DLC1: variants seen among roughly 807,000 people sequenced by gnomAD.
The protein encoded by DLC1 is rho GTPase-activating protein 7.
In DLC1, 54 loss-of-function variants were observed where a neutral mutation model predicts 140.3. That is an observed-to-expected ratio of 0.38 (90% CI 0.31 to 0.48). The LOEUF (loss-of-function observed/expected upper bound fraction) is 0.48, where lower values mean the gene tolerates loss of function less well. DLC1 is among the 20% of genes least tolerant of loss of function. DLC1 has a pLI of 0.96. For synonymous variants in DLC1, 986 were observed against 728.1 expected, an observed-to-expected ratio of 1.35 and a Z score of -5.70; for missense variants, 2,536 against 1,907.0, an observed-to-expected ratio of 1.33 and a Z score of -6.14.
chr8:13,338,313 A>T (rs1218846773), intron 4 of DLC1, among the ~76,000 whole-genome samples: 1 of 152,198 alleles, frequency 6.6e-6, no homozygotes, highest in Non-Finnish European at 1.5e-5. Context: ...GTTCGAAAAA[A>T]ATACTATTTT....
At chr8:13,506,742 G>A (rs953260060) in intron 1 of DLC1, among the ~76,000 whole-genome samples, 1 of 151,876 alleles carries the variant, frequency 6.6e-6, no homozygotes, top group Non-Finnish European at 1.5e-5. Flanking sequence ...TGGGAAGGAA[G>A]AGAAGATGTA....
At chr8:13,287,360 CTATTT>C (rs1831568516) in intron 5 of DLC1, among the ~76,000 whole-genome samples, 1 of 152,132 alleles carries the variant, frequency 6.6e-6, no homozygotes, top group Non-Finnish European at 1.5e-5. Flanking sequence ...TCTTTGGCTT[CTATTT>C]TGTTTTCTTT....
At chr8:13,300,953 G>C (rs1832168825) in intron 5 of DLC1, among the ~76,000 whole-genome samples, 1 of 152,176 alleles carries the variant, frequency 6.6e-6, no homozygotes, top group South Asian at 2.1e-4. Flanking sequence ...CTGCATGGAA[G>C]CAGTGGCCAG....
chr8:13,484,524 C>G (rs76206250), intron 2 of DLC1, among the ~76,000 whole-genome samples: 11,419 of 152,122 alleles, frequency 0.075, 585 homozygotes, highest in Non-Finnish European at 0.12. Context: ...ACTTGCTTTG[C>G]TTCAAAGTAA....
At chr8:13,320,331 C>T (rs1833044102) in intron 4 of DLC1, among the ~76,000 whole-genome samples, 1 of 152,140 alleles carries the variant, frequency 6.6e-6, no homozygotes, top group African/African-American at 2.4e-5. Flanking sequence ...TGCCTGTTAA[C>T]TCTTCGTTAA....
At chr8:13,385,988 G>T (rs1836504389) in intron 4 of DLC1, among the ~76,000 whole-genome samples, 1 of 152,210 alleles carries the variant, frequency 6.6e-6, no homozygotes, top group East Asian at 1.9e-4. Context: ...ACTCCTCAGT[G>T]CTATGAATTA....
chr8:13,582,292 T>C (rs1805131961), intron 1 of DLC1, among the ~76,000 whole-genome samples: 1 of 152,188 alleles, frequency 6.6e-6, no homozygotes, highest in African/African-American at 2.4e-5. Context: ...TATACTAATA[T>C]GGTATAGGTA....
At chr8:13,210,249 C>G (rs1220410258) in intron 5 of DLC1, among the ~76,000 whole-genome samples, 1 of 152,074 alleles carries the variant, frequency 6.6e-6, no homozygotes. Context: ...TTCTTTTGTG[C>G]TTAGCAAATG....
chr8:13,468,277 T>G (rs1800034005), intron 2 of DLC1, among the ~76,000 whole-genome samples: 1 of 151,998 alleles, frequency 6.6e-6, no homozygotes, highest in Admixed American at 6.6e-5. Context: ...TTCTTAATCT[T>G]TACTTCATCG....
At chr8:13,591,628 G>T (rs139006003) in intron 1 of DLC1, among the ~76,000 whole-genome samples, 1 of 152,024 alleles carries the variant, frequency 6.6e-6, no homozygotes, top group Admixed American at 6.6e-5. Context: ...TAAATATTAG[G>T]AGTGTTTTTT....
chr8:13,280,173 AG>A (rs1368705828), intron 5 of DLC1, among the ~76,000 whole-genome samples: 1 of 150,852 alleles, frequency 6.6e-6, no homozygotes, highest in Non-Finnish European at 1.5e-5. Flanking sequence ...CTATAGTCCC[AG>A]CTACTCAGGA....
chr8:13,600,378 G>A (rs1465213566), intron 1 of DLC1, among the ~76,000 whole-genome samples: 1 of 151,810 alleles, frequency 6.6e-6, no homozygotes, highest in Non-Finnish European at 1.5e-5. Flanking sequence ...CAGTAAGGCT[G>A]TTATTTTAGT....
At chr8:13,224,781 A>AT (rs1426708289) in intron 5 of DLC1, among the ~76,000 whole-genome samples, 1 of 152,054 alleles carries the variant, frequency 6.6e-6, no homozygotes, top group African/African-American at 2.4e-5. Context: ...GCGCCTACAG[A>AT]TTTTTTCTCT....
At chr8:13,512,522 T>C (rs1790494568) in intron 1 of DLC1, among the ~76,000 whole-genome samples, 1 of 152,178 alleles carries the variant, frequency 6.6e-6, no homozygotes. Flanking sequence ...AATTAAGGGA[T>C]TGCAAACATG....
At chr8:13,368,379 G>A (rs1421045861) in intron 4 of DLC1, among the ~76,000 whole-genome samples, 1 of 152,126 alleles carries the variant, frequency 6.6e-6, no homozygotes, top group Non-Finnish European at 1.5e-5. Context: ...AAAGATGTCT[G>A]TTGTTGATTA....
At chr8:13,389,677 G>C (rs1586257650) in intron 4 of DLC1, among the ~76,000 whole-genome samples, 1 of 152,024 alleles carries the variant, frequency 6.6e-6, no homozygotes, top group African/African-American at 2.4e-5. Flanking sequence ...CCTATTCTAA[G>C]AATAAGTTTA....
chr8:13,433,095 G>T (rs1414602844), intron 2 of DLC1, among the ~76,000 whole-genome samples: 1 of 152,086 alleles, frequency 6.6e-6, no homozygotes, highest in African/African-American at 2.4e-5. Context: ...AAAACTGTAG[G>T]ATGAGATGAG....
At chr8:13,482,045 C>A (rs1800763416) in intron 2 of DLC1, among the ~76,000 whole-genome samples, 1 of 152,296 alleles carries the variant, frequency 6.6e-6, no homozygotes, top group South Asian at 2.1e-4. Flanking sequence ...GGAGCTAACC[C>A]TGCCCACACC....
chr8:13,592,754 C>G (rs1407428987), intron 1 of DLC1, among the ~76,000 whole-genome samples: 1 of 152,058 alleles, frequency 6.6e-6, no homozygotes, highest in Non-Finnish European at 1.5e-5. Context: ...CTGCCCAAGC[C>G]AACAGTTTCT....
Sources: gnomAD v4.1 joint callset for allele counts (sites outside exome capture counted in the v4.1 genomes callset) on GRCh38, gnomAD v4.1.1 for gene constraint, MANE v1.5 for transcripts, NCBI Gene and HGNC (gene_info 2026-07-23, HGNC 2026-07-21) for gene names.